The following TMEM178B variants were observed in gnomAD, a reference collection of about 807,000 sequenced individuals.
The protein encoded by TMEM178B is transmembrane protein 178B.
TMEM178B carries 5 observed loss-of-function variants against 31.0 expected under a neutral mutation model. The observed-to-expected ratio is 0.16, with a 90% CI of 0.08 to 0.34. The LOEUF (loss-of-function observed/expected upper bound fraction) is 0.34, where lower values mean the gene tolerates loss of function less well. Among genes scored for constraint, TMEM178B ranks in the 10% least tolerant of loss-of-function variants. The pLI, the probability that TMEM178B is intolerant of heterozygous loss-of-function variation, is 1.00. For missense variants in TMEM178B, 275 were observed against 400.3 expected, an observed-to-expected ratio of 0.69 and a Z score of 2.67; for synonymous variants, 164 against 164.0, an observed-to-expected ratio of 1.00 and a Z score of 0.00.
intron 1 of TMEM178B, among the ~76,000 whole-genome samples, chr7:141,163,549 G>A (rs1796212785): frequency 7.0e-6 from 1 of 142,760 alleles, no homozygotes; most frequent in Non-Finnish European, 1.5e-5. Context: ...GTCTTGTTCT[G>A]TGGCCCAGGC....
chr7:141,503,264 A>T, the TMEM178B span, among the ~76,000 whole-genome samples: 7 of 152,220 alleles, frequency 4.6e-5, no homozygotes, highest in Non-Finnish European at 1.0e-4. Flanking sequence ...GCACAAGCCC[A>T]CAAGTAGTGC....
chr7:141,287,538 G>A (rs140940294), intron 2 of TMEM178B, among the ~76,000 whole-genome samples: 1 of 152,282 alleles, frequency 6.6e-6, no homozygotes, highest in East Asian at 1.9e-4. Context: ...GTGGCTTTCA[G>A]TAATCAACAT....
intron 1 of TMEM178B, among the ~76,000 whole-genome samples, chr7:141,093,429 T>C (rs1794910178): frequency 1.3e-5 from 2 of 152,234 alleles, no homozygotes; most frequent in South Asian, 4.1e-4. Flanking sequence ...TATGATAATC[T>C]TTGAGGTGCC....
intron 2 of TMEM178B, among the ~76,000 whole-genome samples, chr7:141,329,267 C>G (rs879061362): frequency 2.0e-5 from 3 of 152,174 alleles, no homozygotes; most frequent in Non-Finnish European, 4.4e-5. Context: ...CTTCCCACCC[C>G]CTACCTGGGG....
intron 2 of TMEM178B, among the ~76,000 whole-genome samples, chr7:141,421,745 AATC>A (rs374567240): frequency 7.2e-5 from 11 of 152,284 alleles, no homozygotes; most frequent in East Asian, 1.9e-4. Context: ...TCATCATGAT[AATC>A]ATCATCATCA....
intron 3 of TMEM178B, among the ~76,000 whole-genome samples, chr7:141,442,033 T>A (rs1254638652): frequency 1.3e-5 from 2 of 152,188 alleles, no homozygotes. Flanking sequence ...GTGTGCCTGA[T>A]GAATCACCAG....
At chr7:141,365,718 T>C (rs1799992467) in intron 2 of TMEM178B, among the ~76,000 whole-genome samples, 1 of 152,242 alleles carries the variant, frequency 6.6e-6, no homozygotes, top group Non-Finnish European at 1.5e-5. Context: ...TGTCTGCAGG[T>C]GTCTGTCTGT....
At chr7:141,091,588 A>C (rs946727350) in intron 1 of TMEM178B, among the ~76,000 whole-genome samples, 1 of 152,220 alleles carries the variant, frequency 6.6e-6, no homozygotes, top group East Asian at 1.9e-4. Flanking sequence ...ATCAGAGACC[A>C]TAATGGCTTC....
chr7:141,405,941 A>G (rs1014644996), intron 2 of TMEM178B, among the ~76,000 whole-genome samples: 1 of 152,190 alleles, frequency 6.6e-6, no homozygotes, highest in Admixed American at 6.5e-5. Context: ...TCCTCATTAA[A>G]ATGGAAGCCC....
At chr7:141,175,443 A>T (rs1270455486) in intron 1 of TMEM178B, among the ~76,000 whole-genome samples, 2 of 152,094 alleles carry the variant, frequency 1.3e-5, no homozygotes, top group Non-Finnish European at 2.9e-5. Flanking sequence ...TTGGCTATGC[A>T]TGCCCTTTTT....
At chr7:141,107,313 T>C (rs1795163362) in intron 1 of TMEM178B, among the ~76,000 whole-genome samples, 1 of 152,148 alleles carries the variant, frequency 6.6e-6, no homozygotes, top group Non-Finnish European at 1.5e-5. Flanking sequence ...ACCAGTGATA[T>C]AATCTGCTTT....
intron 2 of TMEM178B, among the ~76,000 whole-genome samples, chr7:141,423,681 T>A (rs1801257232): frequency 6.6e-6 from 1 of 152,190 alleles, no homozygotes; most frequent in Non-Finnish European, 1.5e-5. Flanking sequence ...TTGAGTTCAG[T>A]ATTTGTTTGT....
At chr7:141,102,766 C>A (rs1257957533) in intron 1 of TMEM178B, among the ~76,000 whole-genome samples, 1 of 152,178 alleles carries the variant, frequency 6.6e-6, no homozygotes, top group Non-Finnish European at 1.5e-5. Flanking sequence ...TTAATTATAA[C>A]CCTCTCTTAT....
In TMEM178B at chr7:141,344,319, A is replaced by C. The variant is rs1799570346; in HGVS notation, c.497-93289A>C. 6.6e-6 allele frequency among the ~76,000 whole-genome samples: 1 copy of C among 152,148 alleles called. No homozygotes were observed. Among genetic ancestry groups the C allele is most frequent in the Non-Finnish European group, 1.5e-5 (1 of 68,036 alleles). ...CTGGTCCTTAGCCACAGAGTTCAAG[A>C]TGTTGGTTTCAGATCTCTGACTTCA... On this transcript the variant is annotated intron_variant, in intron 2 of 3. Transcript: ENST00000565468. This position sits in a 1 kb window ranked among gnomAD's most constrained non-coding sequence, Gnocchi z 4.1.
chr7:141,145,804 C>G (rs976765304), intron 1 of TMEM178B, among the ~76,000 whole-genome samples: 2 of 152,186 alleles, frequency 1.3e-5, no homozygotes, highest in Non-Finnish European at 2.9e-5. Context: ...GCAAGAGCTG[C>G]TACGTGCTGA....
chr7:141,138,995 G>A (rs112724880), intron 1 of TMEM178B, among the ~76,000 whole-genome samples: 8,405 of 149,690 alleles, frequency 0.056, 810 homozygotes, highest in African/African-American at 0.2. Flanking sequence ...AAAAAAAAAA[G>A]AAAAAAAAAG....
intron 2 of TMEM178B, among the ~76,000 whole-genome samples, chr7:141,388,252 C>T (rs1215828867): frequency 1.3e-5 from 2 of 152,106 alleles, no homozygotes; most frequent in Non-Finnish European, 2.9e-5. Context: ...GTAGGGTCTC[C>T]GTAAGAACTC....
rs895832400 is a variant in TMEM178B at position 141,422,764 on chromosome 7, C to T, written c.497-14844C>T. On this transcript the variant is annotated intron_variant, in intron 2 of 3. Transcript: ENST00000565468. This position sits in a 1 kb window ranked among gnomAD's most constrained non-coding sequence, Gnocchi z 4.2. ...TGCAGTGGCTGGAGTGGGGAAGCTC[C>T]CATGGGGAGAGAATAGAAATGCAAG... Among the ~76,000 whole-genome samples the T allele has an allele frequency of 2.6e-5, 4 of 152,094 alleles. No individual in the cohort carries two copies. Among genetic ancestry groups the T allele is most frequent in the South Asian group, 2.1e-4 (1 of 4,824 alleles).
At chr7:141,364,113 A>G (rs1799962945) in intron 2 of TMEM178B, among the ~76,000 whole-genome samples, 1 of 152,178 alleles carries the variant, frequency 6.6e-6, no homozygotes, top group Non-Finnish European at 1.5e-5. Context: ...TCCATCTTCT[A>G]GAAGTAATAG....
Sources: allele counts gnomAD v4.1 joint callset (sites outside exome capture counted in the v4.1 genomes callset), GRCh38; gene constraint gnomAD v4.1.1; non-coding constraint Gnocchi (gnomAD v3.1); transcripts MANE v1.5; gene names NCBI Gene and HGNC (gene_info 2026-07-23, HGNC 2026-07-21).